PLCG2: variants seen among roughly 807,000 people sequenced by gnomAD.
The protein encoded by PLCG2 is phospholipase C gamma 2, also known as 1-phosphatidylinositol 4,5-bisphosphate phosphodiesterase gamma-2.
A neutral mutation model predicts 175.6 loss-of-function variants in PLCG2; 69 were observed. The observed-to-expected ratio is 0.39, with a 90% CI of 0.32 to 0.48. PLCG2 has a LOEUF of 0.48. Among genes scored for constraint, PLCG2 ranks in the 20% least tolerant of loss-of-function variants. The pLI is 0.91. For missense variants in PLCG2, 1,798 were observed against 1,650.9 expected (o/e 1.09, Z -1.54); for synonymous variants, 827 against 624.0 (o/e 1.33, Z -4.85).
intron 17 of PLCG2, among the ~76,000 whole-genome samples, chr16:81,909,090 A>G (rs11859107): frequency 6.6e-6 from 1 of 152,184 alleles, no homozygotes; most frequent in Non-Finnish European, 1.5e-5. Flanking sequence ...TCAGTGCATT[A>G]AAAGATACTT....
intron 20 of PLCG2, among the ~76,000 whole-genome samples, chr16:81,919,929 G>A (rs988689239): frequency 6.6e-6 from 1 of 152,164 alleles, no homozygotes; most frequent in African/African-American, 2.4e-5. Flanking sequence ...CTGGGCAGGT[G>A]GATAAGAGGA....
At chr16:81,880,695 A>T (rs890212264) in intron 7 of PLCG2, among the ~76,000 whole-genome samples, 20 of 152,358 alleles carry the variant, frequency 1.3e-4, no homozygotes, top group African/African-American at 4.8e-4. Context: ...CTTCTTGGGA[A>T]TACGACTGTG....
chr16:81,784,350 A>G (rs1236486985), intron 1 of PLCG2, among the ~76,000 whole-genome samples: 1 of 152,208 alleles, frequency 6.6e-6, no homozygotes, highest in Non-Finnish European at 1.5e-5. Flanking sequence ...CTGTGCATAC[A>G]TTGTAGCTTT....
At chr16:81,868,542 C>G (rs768405358) in intron 5 of PLCG2, among the ~76,000 whole-genome samples, 3 of 152,146 alleles carry the variant, frequency 2.0e-5, no homozygotes, top group Non-Finnish European at 4.4e-5. Context: ...CAGTAGGAGT[C>G]TTGTTCATCC....
At chr16:81,753,440 A>G (rs1297941233) in intron 1 of PLCG2, among the ~76,000 whole-genome samples, 2 of 129,210 alleles carry the variant, frequency 1.5e-5, no homozygotes, top group South Asian at 2.5e-4. Flanking sequence ...TTTTTTTGAG[A>G]TGGAGTCTCA....
intron 18 of PLCG2, among the ~76,000 whole-genome samples, chr16:81,912,364 C>T (rs1227847241): frequency 6.6e-6 from 1 of 152,244 alleles, no homozygotes; most frequent in African/African-American, 2.4e-5. Context: ...CTGTGCTCGG[C>T]CCAATGTATT....
chr16:81,751,683 T>C (rs1458240369), intron 1 of PLCG2, among the ~76,000 whole-genome samples: 1 of 152,184 alleles, frequency 6.6e-6, no homozygotes, highest in Non-Finnish European at 1.5e-5. Flanking sequence ...CTTTAATTAT[T>C]CCACGTTGTA....
intron 3 of PLCG2, among the ~76,000 whole-genome samples, chr16:81,855,585 A>G (rs1235610612): frequency 6.6e-6 from 1 of 152,328 alleles, no homozygotes; most frequent in East Asian, 1.9e-4. Context: ...GTGAGCTAGG[A>G]AGATGAATGG....
At position 81,892,938 on chromosome 16, in the gene PLCG2, C is replaced by T. The variant is rs1257205546; in HGVS notation, c.987-771C>T. ...TCTCAGCTCACAACCTCCGCTTTCC[C>T]GGTTCAACAGATTCTCCTGCCTCAG... On this transcript the variant is annotated intron_variant, in intron 11 of 32. Transcript: ENST00000564138. Among the ~76,000 whole-genome samples, 19 of 151,906 alleles carry T rather than the reference C, an allele frequency of 1.3e-4. No homozygotes were observed. In the East Asian group the frequency reaches 3.1e-3, roughly 25 times the overall value.
intron 2 of PLCG2, among the ~76,000 whole-genome samples, chr16:81,771,453 A>C (rs958119737): frequency 2.6e-5 from 4 of 152,172 alleles, no homozygotes; most frequent in African/African-American, 9.7e-5. Context: ...CTGTTGGAGA[A>C]CTCTTGCTCA....
At chr16:81,747,893 A>AT (rs1054392745) in intron 1 of PLCG2, among the ~76,000 whole-genome samples, 6 of 150,486 alleles carry the variant, frequency 4.0e-5, no homozygotes, top group Admixed American at 6.6e-5. Context: ...TTTTCTTTCC[A>AT]TTTTTTTTTG....
intron 1 of PLCG2, among the ~76,000 whole-genome samples, chr16:81,780,821 G>T (rs7499585): frequency 0.5 from 75,344 of 151,960 alleles, 18,937 homozygotes; most frequent in South Asian, 0.7. Context: ...GAGGTCAAGC[G>T]TTCCAGACCA....
At chr16:81,860,056 A>T (rs953253845) in intron 5 of PLCG2, among the ~76,000 whole-genome samples, 1 of 151,652 alleles carries the variant, frequency 6.6e-6, no homozygotes, top group Non-Finnish European at 1.5e-5. Flanking sequence ...CTGCAGCCGT[A>T]AAGTCCTGGG....
chr16:81,835,600 C>A (rs200278332), intron 2 of PLCG2, among the ~76,000 whole-genome samples: 4 of 147,160 alleles, frequency 2.7e-5, no homozygotes, highest in African/African-American at 5.0e-5. Context: ...TAATAATAAT[C>A]ATAATAATAA....
intron 2 of PLCG2, among the ~76,000 whole-genome samples, chr16:81,823,690 T>G (rs985424504): frequency 1.3e-5 from 1 of 77,722 alleles, no homozygotes; most frequent in African/African-American, 5.6e-5. Context: ...CATGCCCAGC[T>G]AATTTTTTTT....
At chr16:81,776,406 G>A (rs1016641189), upstream of PLCG2, among the ~76,000 whole-genome samples, 1 of 151,820 alleles carries the variant, frequency 6.6e-6, no homozygotes, top group African/African-American at 2.4e-5. Context: ...ACCGCGCCCG[G>A]CTCAGAGTGG....
At chr16:81,791,615 A>C (rs1313380047) in intron 2 of PLCG2, among the ~76,000 whole-genome samples, 3 of 152,138 alleles carry the variant, frequency 2.0e-5, no homozygotes, top group Non-Finnish European at 4.4e-5. Flanking sequence ...CCCAGGCTGG[A>C]GTGCAATGGT....
intron 24 of PLCG2, among the ~76,000 whole-genome samples, chr16:81,929,254 C>G (rs1373796110): frequency 6.6e-6 from 1 of 152,206 alleles, no homozygotes; most frequent in Non-Finnish European, 1.5e-5. Flanking sequence ...TGTGAAGGGA[C>G]TCTGTAGCGG....
rs1396122255 is a variant in PLCG2 at position 81,786,166 on chromosome 16, C to G, written c.177C>G (p.Asp59Glu). Residue 59 changes from aspartate (D) to glutamate (E), a missense_variant, in exon 2 of 33, where the codon GAC becomes GAG. Asp to Glu is a conservative substitution (Grantham distance 45, BLOSUM62 2). Coordinates refer to ENST00000564138, the MANE Select transcript of PLCG2 (RefSeq NM_002661.5). ...AGGTGGCCTGGAGCAAGACCGCTGA[C>G]AAGATCGAGGGCTTCTGTGAGTACT... ...TRQVAWSKTADKIEGFLDIME... is the reference protein window; with the variant it reads ...TRQVAWSKTAEKIEGFLDIME... 1 of 1,614,026 alleles carries G rather than the reference C, an allele frequency of 6.2e-7. No individual in the cohort carries two copies. Among genetic ancestry groups the G allele is most frequent in the Non-Finnish European group, 8.5e-7 (1 of 1,179,992 alleles).
Sources: allele counts gnomAD v4.1 joint callset (sites outside exome capture counted in the v4.1 genomes callset), GRCh38; gene constraint gnomAD v4.1.1; transcripts MANE v1.5; gene names NCBI Gene and HGNC (gene_info 2026-07-23, HGNC 2026-07-21).